TAB1: variants seen among roughly 807,000 people sequenced by gnomAD.
The protein encoded by TAB1 is TGF-beta activated kinase 1 (MAP3K7) binding protein 1.
Under a neutral mutation model 54.5 loss-of-function variants are expected in TAB1, and 30 were observed. That is an observed-to-expected ratio of 0.55 (90% CI 0.41 to 0.75). The LOEUF (loss-of-function observed/expected upper bound fraction) is 0.75. Ranked by LOEUF, TAB1 falls within the 30% of genes least tolerant of loss-of-function variation. The pLI is 0.00. For synonymous variants in TAB1, 289 were observed against 286.9 expected (o/e 1.01, Z -0.07); for missense variants, 609 against 683.2 (o/e 0.89, Z 1.21).
At chr22:39,423,588 G>A (rs1927188287) in intron 8 of TAB1, among the ~76,000 whole-genome samples, 1 of 152,192 alleles carries the variant, frequency 6.6e-6, no homozygotes, top group African/African-American at 2.4e-5. Flanking sequence ...CTGAGCAACA[G>A]AGCAAGACTC....
chr22:39,429,185 G>A lies in TAB1; in HGVS notation c.1308-830G>A, dbSNP rs142317192. On this transcript the variant is annotated intron_variant, in intron 10 of 10. Coordinates refer to ENST00000216160, the MANE Select transcript of TAB1 (RefSeq NM_006116.3). Reference sequence around the variant, plus strand: ...TGGCCCTGTGCTGGTGCTGGGCAGCGCTAACAGGCAGTTCCAGCTGTGATA... The same window carrying A: ...TGGCCCTGTGCTGGTGCTGGGCAGCACTAACAGGCAGTTCCAGCTGTGATA... The A allele has an allele frequency of 1.4e-4, 134 of 985,444 alleles. No individual in the cohort carries two copies. In the East Asian group the frequency reaches 0.011, roughly 78 times the overall value. 61.0% of individuals were successfully genotyped at this position (985,444 alleles called of 1,614,324 possible).
downstream of TAB1, chr22:39,436,821 T>A: frequency 1.9e-6 from 1 of 518,374 alleles, no homozygotes; most frequent in Non-Finnish European, 3.5e-6. Context: ...GGCTGTCCTC[T>A]GTTCTGGTGA....
In TAB1 at chr22:39,430,461, G is replaced by A; in HGVS notation, c.*239G>A. ...CTTCCTCCCAGATGGCCTCAGCCAG[G>A]ACCATCGCCCTTTCTCAGAGCAGAG... is the stretch of plus-strand genomic sequence containing the variant. On this transcript the variant is annotated 3_prime_UTR_variant, in exon 11 of 11. Transcript: ENST00000216160. The A allele has an allele frequency of 7.1e-7, 1 of 1,405,184 alleles. No individual in the cohort carries two copies. Among genetic ancestry groups the A allele is most frequent in the Non-Finnish European group, 9.3e-7 (1 of 1,079,274 alleles). The allele number at this position is 1,405,184 out of a possible 1,614,324, so 87.0% of individuals were successfully genotyped here.
In TAB1 at chr22:39,406,071, G is replaced by A. The variant is rs17001092; in HGVS notation, c.33+6236G>A. ...CCAACTCCAGAGACGTTAACATGTG[G>A]AAAATGTAGGTCTTCAAATCAGTGA... On this transcript the variant is annotated intron_variant, in intron 1 of 10. Transcript: ENST00000216160. Among the ~76,000 whole-genome samples the A allele has an allele frequency of 4.4e-3, 674 of 152,282 alleles. 7 individuals carry two copies. Among genetic ancestry groups the A allele is most frequent in the African/African-American group, 0.016 (650 of 41,542 alleles).
chr22:39,426,838 C>T lies in TAB1; in HGVS notation c.1057C>T (p.Pro353Ser), dbSNP rs1244231133. Reference sequence around the variant, plus strand: ...TGGTGGGGAGCGTGCCAGGTTCTGCCCCCGGCACGAGGACATGACCCTGCT... The same window carrying T: ...TGGTGGGGAGCGTGCCAGGTTCTGCTCCCGGCACGAGGACATGACCCTGCT... ...ASGGERARFC[P>S]RHEDMTLLVR... Residue 353 changes from proline (P) to serine (S), a missense_variant, in exon 9 of 11, where the codon CCC (proline) becomes TCC (serine). Pro to Ser is a moderately conservative substitution (Grantham distance 74, BLOSUM62 -1). Transcript: ENST00000216160. The T allele has an allele frequency of 6.2e-7, 1 of 1,613,624 alleles. No homozygotes were observed. Among genetic ancestry groups the T allele is most frequent in the African/African-American group, 1.3e-5 (1 of 74,952 alleles).
At position 39,430,072 on chromosome 22, in the gene TAB1, C is replaced by T. The variant is rs750152418; in HGVS notation, c.1365C>T (p.Ser455=). ...ACACGCACACGCAGAGCAGCAGCTCCAGCTCTGACGGAGGCCTCTTCCGCT... is the reference window on the plus strand; with the variant it reads ...ACACGCACACGCAGAGCAGCAGCTCTAGCTCTGACGGAGGCCTCTTCCGCT... ...STNTHTQSSS[S]SSDGGLFRSR... Residue 455 remains serine, a synonymous_variant, in exon 11 of 11, where the codon TCC becomes TCT. Coordinates refer to ENST00000216160, the MANE Select transcript of TAB1 (RefSeq NM_006116.3). The T allele has an allele frequency of 1.3e-5, 21 of 1,614,142 alleles. No homozygotes were observed. In the South Asian group the frequency reaches 1.5e-4, roughly 12 times the overall value.
Position 39,417,788 on chromosome 22 carries a change from G to A in TAB1, c.489G>A (p.Ser163=), listed in dbSNP as rs147626727. ...TCAAGACGTTAGAGAGGGAAATTTC[G>A]GGAGGGGCCATGGCCGTTGTGGCGG... ...ERLKTLEREI[S]GGAMAVVAVL... Residue 163 remains serine, a synonymous_variant, in exon 5 of 11, where the codon TCG becomes TCA. Coordinates refer to ENST00000216160, the MANE Select transcript of TAB1 (RefSeq NM_006116.3). 1.3e-4 allele frequency: 202 copies of A among 1,613,468 alleles called. No homozygotes were observed. The African/African-American group carries it at 2.5e-3, about 20-fold the overall frequency.
rs769359691 is a variant in TAB1 at position 39,415,011 on chromosome 22, G to A, written c.39G>A (p.Gln13=). The A allele has an allele frequency of 9.3e-6, 15 of 1,613,854 alleles. No homozygotes were observed. In the South Asian group the frequency reaches 1.5e-4, roughly 17 times the overall value. Residue 13 remains glutamine (Q), a synonymous_variant, in exon 2 of 11, where the codon CAG becomes CAA. Coordinates refer to ENST00000216160, the MANE Select transcript of TAB1 (RefSeq NM_006116.3). The surrounding 1 kb of genome is among the most constrained non-coding windows in gnomAD (Gnocchi z 4.9). The stretch of plus-strand genomic sequence containing the variant: ...TTCCTGGTGTCCTTCCCCAGGAGCA[G>A]CAGCCAAGCTGGACAGATGACCTGC... The part of the protein sequence containing the change: ...AQRRSLLQSE[Q]QPSWTDDLPL...
intron 1 of TAB1, 101 bp downstream of exon 1, chr22:39,399,936 TC>T (rs1926055350): frequency 2.8e-5 from 36 of 1,294,128 alleles, no homozygotes; most frequent in Non-Finnish European, 3.8e-5. Context: ...ACAGCCACCC[TC>T]TCCGTGGTGG....
In TAB1 at chr22:39,419,984, T is replaced by G. The variant is rs1926999141; in HGVS notation, c.776+354T>G. Among the ~76,000 whole-genome samples the G allele has an allele frequency of 2.0e-5, 3 of 152,092 alleles. No homozygotes were observed. The South Asian group carries it at 6.2e-4, about 32-fold the overall frequency. ...GGGTGGAGTTGAGCTGGGCCAAAGC[T>G]GAGGGCAGCAACTAGTGCCACAAGG... On this transcript the variant is annotated intron_variant, in intron 7 of 10. Transcript: ENST00000216160.
chr22:39,427,866 C>A (rs1056866087), intron 9 of TAB1, among the ~76,000 whole-genome samples, 155 bp from the exon 10 acceptor site: 6 of 152,168 alleles, frequency 3.9e-5, no homozygotes, highest in Admixed American at 1.3e-4. Context: ...TCCCAAGGGG[C>A]AGGGGGCCCC....
chr22:39,425,537 T>A (rs1421832123), intron 8 of TAB1, among the ~76,000 whole-genome samples: 1 of 151,926 alleles, frequency 6.6e-6, no homozygotes, highest in Non-Finnish European at 1.5e-5. Flanking sequence ...GTAGATTAGG[T>A]GCATTAAATG....
intron 7 of TAB1, among the ~76,000 whole-genome samples, chr22:39,420,878 C>CTG (rs1370446636): frequency 2.1e-5 from 2 of 94,882 alleles, no homozygotes; most frequent in African/African-American, 1.1e-4. Context: ...TGGGGTGTCT[C>CTG]TCTCTGTGTG....
rs1926817261 is a variant in TAB1, at chr22:39,415,979, C to T, written c.324+326C>T. On this transcript the variant is annotated intron_variant, in intron 3 of 10. Coordinates refer to ENST00000216160, the MANE Select transcript of TAB1 (RefSeq NM_006116.3). This position sits in a 1 kb window ranked among gnomAD's most constrained non-coding sequence, Gnocchi z 4.9. ...TCATTTAGAGCTACCCCTTTCTTTCCTATGTGGTCAGGTGCTCAGCCTCCA... is the reference window on the plus strand; with the variant it reads ...TCATTTAGAGCTACCCCTTTCTTTCTTATGTGGTCAGGTGCTCAGCCTCCA... Among the ~76,000 whole-genome samples the T allele has an allele frequency of 2.0e-5, 3 of 152,190 alleles. No individual in the cohort carries two copies. Among genetic ancestry groups the T allele is most frequent in the Admixed American group, 2.0e-4 (3 of 15,278 alleles).
At chr22:39,407,518 C>T (rs1265923372) in intron 1 of TAB1, among the ~76,000 whole-genome samples, 1 of 151,212 alleles carries the variant, frequency 6.6e-6, no homozygotes, top group Non-Finnish European at 1.5e-5. Context: ...GAGCCTCACT[C>T]TGTCTCCCAG....
intron 7 of TAB1, 109 bp downstream of exon 7, chr22:39,419,739 A>G: frequency 1.5e-6 from 1 of 656,700 alleles, no homozygotes; most frequent in Non-Finnish European, 2.6e-6. Flanking sequence ...GTGAGCCGTG[A>G]TCATGCCACT....
intron 7 of TAB1, among the ~76,000 whole-genome samples, chr22:39,420,992 C>T (rs1927062781): frequency 6.7e-6 from 1 of 148,580 alleles, no homozygotes. Flanking sequence ...TGTCCTGCCC[C>T]TCCCAGGTGC....
At chr22:39,416,346 A>G (rs1330478811) in intron 3 of TAB1, among the ~76,000 whole-genome samples, 2 of 152,214 alleles carry the variant, frequency 1.3e-5, no homozygotes, top group Non-Finnish European at 2.9e-5. Context: ...TGTAGTAATC[A>G]TACGAGCTGT....
chr22:39,422,348 G>A (rs1230114666), intron 8 of TAB1, among the ~76,000 whole-genome samples: 1 of 151,054 alleles, frequency 6.6e-6, no homozygotes, highest in African/African-American at 2.4e-5. Flanking sequence ...AGGGCCTGAC[G>A]GCTTTACTGC....
Sources: gnomAD v4.1 joint callset for allele counts (sites outside exome capture counted in the v4.1 genomes callset) on GRCh38, gnomAD v4.1.1 for gene constraint, Gnocchi (gnomAD v3.1) non-coding constraint, MANE v1.5 for transcripts, NCBI Gene and HGNC (gene_info 2026-07-23, HGNC 2026-07-21) for gene names.